The following MTFR1 variants were observed in gnomAD, a reference collection of about 807,000 sequenced individuals.
The protein encoded by MTFR1 is mitochondrial fission regulator 1.
Under a neutral mutation model 38.8 loss-of-function variants are expected in MTFR1, and 28 were observed. That is an observed-to-expected ratio of 0.72 (90% CI 0.53 to 0.99). The LOEUF (loss-of-function observed/expected upper bound fraction) is 0.99. Ranked by LOEUF, MTFR1 falls within the 50% of genes least tolerant of loss-of-function variation. The pLI is 0.00. For synonymous variants in MTFR1, 145 were observed against 137.0 expected, an observed-to-expected ratio of 1.06 and a Z score of -0.41; for missense variants, 358 against 395.5, an observed-to-expected ratio of 0.91 and a Z score of 0.81.
intron 3 of MTFR1, among the ~76,000 whole-genome samples, chr8:65,685,305 A>G (rs903993304): frequency 5.3e-5 from 8 of 152,226 alleles, no homozygotes; most frequent in Non-Finnish European, 1.0e-4. Context: ...AGTGGACATC[A>G]TTATACTGAG....
chr8:65,703,617 A>G (rs1165746062), intron 4 of MTFR1, among the ~76,000 whole-genome samples: 2 of 151,460 alleles, frequency 1.3e-5, no homozygotes, highest in Non-Finnish European at 2.9e-5. Flanking sequence ...TATTTTTAGT[A>G]GAGACAGGGT....
At chr8:65,764,687 G>A (rs1286478817) in intron 3 of MTFR1, among the ~76,000 whole-genome samples, 1 of 151,828 alleles carries the variant, frequency 6.6e-6, no homozygotes, top group East Asian at 1.9e-4. Context: ...TAATCAGTAC[G>A]ATATGAGCTT....
chr8:65,704,561 C>T, intron 4 of MTFR1, 133 bp from the exon 5 acceptor site: 1 of 672,178 alleles, frequency 1.5e-6, no homozygotes, highest in Non-Finnish European at 2.5e-6. Context: ...TTTGTCCTTA[C>T]ACGAAGGGAC....
chr8:65,734,878 ATCT>A (rs751247894), intron 3 of MTFR1: 3 of 1,606,304 alleles, frequency 1.9e-6, no homozygotes, highest in Non-Finnish European at 1.7e-6. Context: ...GACTGTGGTA[ATCT>A]TCTTGAATCA....
intron 3 of MTFR1, among the ~76,000 whole-genome samples, chr8:65,683,132 CTTT>C (rs748824241): frequency 8.2e-6 from 1 of 121,678 alleles, no homozygotes; most frequent in Non-Finnish European, 1.7e-5. Context: ...TTCTTTCTTT[CTTT>C]TTTTTTTTTT....
At chr8:65,745,325 T>C (rs571926096) in intron 3 of MTFR1, 3 of 825,332 alleles carry the variant, frequency 3.6e-6, no homozygotes, top group Non-Finnish European at 6.4e-6. Context: ...GTACAGTAAA[T>C]GAAAGCAACG....
chr8:65,735,750 C>T (rs6986048), intron 3 of MTFR1, among the ~76,000 whole-genome samples: 16,588 of 152,132 alleles, frequency 0.11, 1,129 homozygotes, highest in Middle Eastern at 0.17. Flanking sequence ...CTCAGCCACC[C>T]GAGTAGCTGG....
intron 1 of MTFR1, among the ~76,000 whole-genome samples, chr8:65,645,938 T>C (rs1387970957): frequency 6.6e-6 from 1 of 152,210 alleles, no homozygotes; most frequent in Non-Finnish European, 1.5e-5. Context: ...ATTTGCTTTC[T>C]AGAGGGGTCA....
chr8:65,720,397 A>G (rs1454754695), intron 3 of MTFR1: 4 of 154,176 alleles, frequency 2.6e-5, no homozygotes, highest in Non-Finnish European at 5.9e-5. Flanking sequence ...TTTTCTTCAT[A>G]TCCAAGACTC....
chr8:65,704,315 G>T (rs1198684093), intron 4 of MTFR1, among the ~76,000 whole-genome samples: 1 of 152,142 alleles, frequency 6.6e-6, no homozygotes, highest in East Asian at 1.9e-4. Context: ...CAAGGTATGG[G>T]GAGATATAGA....
At chr8:65,701,801 G>A (rs1805617648) in intron 4 of MTFR1, among the ~76,000 whole-genome samples, 1 of 152,160 alleles carries the variant, frequency 6.6e-6, no homozygotes, top group South Asian at 2.1e-4. Flanking sequence ...AGAGTAGCAA[G>A]AGTCCATAGG....
chr8:65,710,559 T>C lies in MTFR1; in HGVS notation c.*1515T>C, dbSNP rs1440416922. 2 of 152,602 alleles carry C rather than the reference T, an allele frequency of 1.3e-5. No individual in the cohort carries two copies. The highest frequency in any genetic ancestry group is 2.9e-5 in the Non-Finnish European group (2 of 68,038). The allele number at this position is 152,602 out of a possible 1,614,324, so 9.5% of individuals were successfully genotyped here. A position where few individuals can be genotyped will look rare whatever the true frequency, so the allele number is the denominator to read the frequency against. ...AGCAAACTAACTGTTTTATTTTCCTTGGACCATAGTGCTTCCATTTTTTCT... is the reference window on the plus strand; with the variant it reads ...AGCAAACTAACTGTTTTATTTTCCTCGGACCATAGTGCTTCCATTTTTTCT... On this transcript the variant is annotated 3_prime_UTR_variant, in exon 8 of 8. Coordinates refer to ENST00000262146, the MANE Select transcript of MTFR1 (RefSeq NM_014637.4).
At chr8:65,715,551 C>A (rs1420842837), downstream of MTFR1, among the ~76,000 whole-genome samples, 3 of 151,122 alleles carry the variant, frequency 2.0e-5, no homozygotes, top group African/African-American at 4.8e-5. Flanking sequence ...CTAATTTTTG[C>A]ATTTTTAGTA....
intron 3 of MTFR1, among the ~76,000 whole-genome samples, chr8:65,753,929 A>G (rs955752282): frequency 3.3e-5 from 5 of 152,080 alleles, no homozygotes; most frequent in African/African-American, 1.2e-4. Flanking sequence ...GCCAATAATA[A>G]TATAGTCACC....
intron 3 of MTFR1, among the ~76,000 whole-genome samples, chr8:65,764,818 A>T (rs946737550): frequency 1.3e-5 from 2 of 152,254 alleles, no homozygotes; most frequent in East Asian, 3.8e-4. Flanking sequence ...TGAGGAACTA[A>T]GCGAAATTTA....
At chr8:65,698,128 C>T (rs1182228888) in intron 4 of MTFR1, among the ~76,000 whole-genome samples, 1 of 149,014 alleles carries the variant, frequency 6.7e-6, no homozygotes, top group African/African-American at 2.5e-5. Context: ...TTATATTTTA[C>T]ATTTGAGTCC....
chr8:65,645,308 G>A (rs562981185), intron 1 of MTFR1, among the ~76,000 whole-genome samples: 1 of 152,364 alleles, frequency 6.6e-6, no homozygotes, highest in East Asian at 1.9e-4. Context: ...TGTGGTTGCT[G>A]TGTCGCTTTT....
intron 2 of MTFR1, among the ~76,000 whole-genome samples, chr8:65,680,899 CTTTTTTT>C (rs1199113408): frequency 8.5e-5 from 8 of 93,630 alleles, no homozygotes; most frequent in Admixed American, 2.7e-4. Context: ...AAGCAGTTCT[CTTTTTTT>C]TTTTTTTTTT....
chr8:65,774,179 A>C (rs1418220921), downstream of MTFR1, among the ~76,000 whole-genome samples: 1 of 152,196 alleles, frequency 6.6e-6, no homozygotes, highest in Non-Finnish European at 1.5e-5. Context: ...TTGCAGAAAA[A>C]CTATGTATTG....
Sources: allele counts gnomAD v4.1 joint callset (sites outside exome capture counted in the v4.1 genomes callset), GRCh38; gene constraint gnomAD v4.1.1; transcripts MANE v1.5; gene names NCBI Gene and HGNC (gene_info 2026-07-23, HGNC 2026-07-21).